ATXN7L2: variants seen among roughly 807,000 people sequenced by gnomAD.
ATXN7L2 encodes the protein ataxin 7 like 2.
In ATXN7L2, 17 loss-of-function variants were observed where a neutral mutation model predicts 59.6. The observed-to-expected ratio is 0.29, with a 90% CI of 0.20 to 0.43. The LOEUF (loss-of-function observed/expected upper bound fraction) is 0.43, where lower values mean the gene tolerates loss of function less well. ATXN7L2 is among the 20% of genes least tolerant of loss of function. The probability of loss-of-function intolerance (pLI) is 1.00; values close to 1 mark genes in which losing one functional copy is unlikely to be tolerated. For synonymous variants in ATXN7L2, 378 were observed against 392.5 expected, an observed-to-expected ratio of 0.96 and a Z score of 0.44; for missense variants, 858 against 1,008.9, an observed-to-expected ratio of 0.85 and a Z score of 2.03.
In ATXN7L2 at chr1:109,488,393, C is replaced by T. The variant is rs773402570; in HGVS notation, c.807C>T (p.Cys269=). The T allele has an allele frequency of 1.4e-5, 22 of 1,598,580 alleles. No individual in the cohort carries two copies. The highest frequency in any genetic ancestry group is 1.6e-4 in the Middle Eastern group (1 of 6,064). ...KTHRKMARKE[C]DLNRQCGVIN... ...GTGCTTTCCCCACAGGGAAGGAGTG[C>T]GACCTCAACAGGCAGTGTGGGGTAA... The change falls in exon 6 of 11, where the codon TGC becomes TGT. Residue 269 remains cysteine, a synonymous_variant. Transcript: ENST00000683729. This position sits in a 1 kb window ranked among gnomAD's most constrained non-coding sequence, Gnocchi z 5.0.
rs945293725 is a variant in ATXN7L2, at chr1:109,483,971, C to T, written c.18C>T (p.Arg6=). 3.0e-6 allele frequency: 4 copies of T among 1,340,988 alleles called. No individual in the cohort carries two copies. Among genetic ancestry groups the T allele is most frequent in the African/African-American group, 3.0e-5 (2 of 66,936 alleles). The allele number at this position is 1,340,988 out of a possible 1,614,324, so 83.1% of individuals were successfully genotyped here. The change falls in exon 1 of 11, where the codon CGC becomes CGT. Residue 6 remains arginine (R), a synonymous_variant. Coordinates refer to ENST00000683729, the MANE Select transcript of ATXN7L2 (RefSeq NM_001350175.2). MAVRE[R]AAAAMAALER... ...CGGCGGTGATGGCGGTGCGTGAACG[C>T]GCGGCGGCAGCAATGGCCGCTCTGG...
rs1402890648 is a variant in ATXN7L2, at chr1:109,486,657, G to A, written c.298+47G>A. ...AGATAAAGGGACAGGGGAAGGTGGA[G>A]CATGGAACTCTGAGGACAGGGTCAG... On this transcript the variant is annotated intron_variant, in intron 3 of 10. Transcript: ENST00000683729. The surrounding 1 kb of genome is among the most constrained non-coding windows in gnomAD (Gnocchi z 4.3). 4 of 1,509,896 alleles carry A rather than the reference G, an allele frequency of 2.6e-6. No individual in the cohort carries two copies. The Admixed American group carries it at 6.8e-5, about 26-fold the overall frequency. The allele number at this position is 1,509,896 out of a possible 1,614,324, so 93.5% of individuals were successfully genotyped here. A position where few individuals can be genotyped will look rare whatever the true frequency, so the allele number is the denominator to read the frequency against.
At chr1:109,489,435 C>T (rs1656853448) in intron 7 of ATXN7L2, 1 of 386,304 alleles carries the variant, frequency 2.6e-6, no homozygotes, top group Non-Finnish European at 4.7e-6. Flanking sequence ...TGTATTCACT[C>T]ACTGGCCCCT....
Position 109,486,891 on chromosome 1 carries a change from C to T in ATXN7L2, c.299-116C>T, listed in dbSNP as rs1169417078. The T allele has an allele frequency of 4.6e-5, 47 of 1,024,868 alleles. No individual in the cohort carries two copies. Among genetic ancestry groups the T allele is most frequent in the Non-Finnish European group, 5.7e-5 (41 of 719,944 alleles). 63.5% of individuals were successfully genotyped at this position (1,024,868 alleles called of 1,614,324 possible). A position where few individuals can be genotyped will look rare whatever the true frequency, so the allele number is the denominator to read the frequency against. ...TTCAAATGGGAAGGAGGCATGTTTA[C>T]AATCTAATTTATGGAAACTCAGATT... On this transcript the variant is annotated intron_variant, in intron 3 of 10. Transcript: ENST00000683729. This position sits in a 1 kb window ranked among gnomAD's most constrained non-coding sequence, Gnocchi z 4.3.
chr1:109,490,151 T>C, intron 8 of ATXN7L2, 23 bp downstream of exon 8: 1 of 1,564,102 alleles, frequency 6.4e-7, no homozygotes, highest in Non-Finnish European at 8.7e-7. Flanking sequence ...AATAGGGGCC[T>C]ATGGAGGGGG....
chr1:109,487,387 C>T lies in ATXN7L2; in HGVS notation c.510-131C>T, dbSNP rs561455373. 151 of 1,192,416 alleles carry T rather than the reference C, an allele frequency of 1.3e-4. No individual in the cohort carries two copies. In the South Asian group the frequency reaches 1.4e-3, roughly 11 times the overall value. 73.9% of individuals were successfully genotyped at this position (1,192,416 alleles called of 1,614,324 possible). On this transcript the variant is annotated intron_variant, in intron 4 of 10. Transcript: ENST00000683729. ...CAGGGAAGATGGGGTCTCCTCTTCC[C>T]GTGTTTCACACCCCTGCTGGAGCCC...
rs1446463484 is a variant in ATXN7L2 at position 109,491,501 on chromosome 1, G to C, written c.2034G>C (p.Glu678Asp). The C allele has an allele frequency of 1.9e-6, 3 of 1,613,984 alleles. No homozygotes were observed. In the South Asian group the frequency reaches 3.3e-5, roughly 18 times the overall value. The change falls in exon 10 of 11, where the codon GAG becomes GAC. Residue 678 changes from glutamate to aspartate, a missense_variant. By Grantham distance (45) the Glu-to-Asp change is conservative. This residue lies in a region of ATXN7L2 where 734 missense variants were observed against 862.3 expected (regional missense o/e 0.85). Transcript: ENST00000683729. This position sits in a 1 kb window ranked among gnomAD's most constrained non-coding sequence, Gnocchi z 4.1. ...LPTPVKASQL[E>D]NRGAAGHPAK... The stretch of plus-strand genomic sequence containing the variant: ...CACCAGTCAAGGCTTCTCAGCTGGA[G>C]AACCGGGGAGCAGCTGGACACCCAG...
Position 109,486,033 on chromosome 1 carries a change from T to C in ATXN7L2, c.128-24T>C. Reference sequence around the variant, plus strand: ...GACTCTCTAAAACTGGCCCTGACCCTTCTGAGCTGTGTTTCTCCTCTAGGG... The same window carrying C: ...GACTCTCTAAAACTGGCCCTGACCCCTCTGAGCTGTGTTTCTCCTCTAGGG... On this transcript the variant is annotated intron_variant, in intron 1 of 10. Coordinates refer to ENST00000683729, the MANE Select transcript of ATXN7L2 (RefSeq NM_001350175.2). The surrounding 1 kb of genome is among the most constrained non-coding windows in gnomAD (Gnocchi z 4.3). 2 of 1,556,204 alleles carry C rather than the reference T, an allele frequency of 1.3e-6. No individual in the cohort carries two copies. Among genetic ancestry groups the C allele is most frequent in the South Asian group, 1.2e-5 (1 of 80,666 alleles).
At chr1:109,492,487 A>C (rs1657174703) in intron 10 of ATXN7L2, 99 bp from the exon 11 acceptor site, 2 of 1,499,052 alleles carry the variant, frequency 1.3e-6, no homozygotes, top group Non-Finnish European at 9.1e-7. Context: ...CAGCAGAAGG[A>C]AATCAAGCTT....
chr1:109,489,798 C>G, intron 7 of ATXN7L2, 132 bp from the exon 8 acceptor site: 2 of 880,870 alleles, frequency 2.3e-6, no homozygotes, highest in Non-Finnish European at 3.6e-6. Context: ...TCCCTTCCCT[C>G]TGTCCTCTTC....
Position 109,486,460 on chromosome 1 carries a change from A to C in ATXN7L2, c.194-46A>C. ...GAGTGCTCTCCGATCTTCCAGAGAA[A>C]CCCTGGGATCTTCAGCCCCAGTGAC... On this transcript the variant is annotated intron_variant, in intron 2 of 10. Coordinates refer to ENST00000683729, the MANE Select transcript of ATXN7L2 (RefSeq NM_001350175.2). This position sits in a 1 kb window ranked among gnomAD's most constrained non-coding sequence, Gnocchi z 4.3. 2 of 1,520,290 alleles carry C rather than the reference A, an allele frequency of 1.3e-6. No homozygotes were observed. 94.2% of individuals were successfully genotyped at this position (1,520,290 alleles called of 1,614,324 possible).
At position 109,491,979 on chromosome 1, in the gene ATXN7L2, T is replaced by C. The variant is rs1257040179; in HGVS notation, c.2250+262T>C. 2 of 1,260,926 alleles carry C rather than the reference T, an allele frequency of 1.6e-6. No individual in the cohort carries two copies. Among genetic ancestry groups the C allele is most frequent in the Admixed American group, 3.7e-5 (1 of 27,322 alleles). The allele number at this position is 1,260,926 out of a possible 1,614,324, so 78.1% of individuals were successfully genotyped here. A position where few individuals can be genotyped will look rare whatever the true frequency, so the allele number is the denominator to read the frequency against. ...CACCCCTCCACCCCTGCTTTTGCTA[T>C]AATCAAAGGGCTACTTCTTTCTGAA... is the stretch of plus-strand genomic sequence containing the variant. On this transcript the variant is annotated intron_variant, in intron 10 of 10. Transcript: ENST00000683729. The surrounding 1 kb of genome is among the most constrained non-coding windows in gnomAD (Gnocchi z 4.1).
chr1:109,490,888 T>G, intron 9 of ATXN7L2, 34 bp from the exon 10 acceptor site: 1 of 1,528,018 alleles, frequency 6.5e-7, no homozygotes, highest in Non-Finnish European at 8.8e-7. Context: ...TCTTGTTTCT[T>G]GGCAGTCACA....
At chr1:109,485,887 G>C in intron 1 of ATXN7L2, 170 bp from the exon 2 acceptor site, 3 of 1,259,634 alleles carry the variant, frequency 2.4e-6, no homozygotes, top group Admixed American at 8.0e-5. Flanking sequence ...AGCACCAGGA[G>C]CTTGTCACGG....
intron 1 of ATXN7L2, among the ~76,000 whole-genome samples, chr1:109,484,862 G>A (rs1323250362): frequency 1.3e-5 from 2 of 152,170 alleles, no homozygotes; most frequent in Non-Finnish European, 2.9e-5. Flanking sequence ...AGACTGCACG[G>A]AGGGGTCTCT....
At position 109,487,685 on chromosome 1, in the gene ATXN7L2, G is replaced by T; in HGVS notation, c.677G>T (p.Gly226Val). The T allele has an allele frequency of 6.2e-7, 1 of 1,613,382 alleles. No homozygotes were observed. Among genetic ancestry groups the T allele is most frequent in the Non-Finnish European group, 8.5e-7 (1 of 1,179,700 alleles). Residue 226 changes from glycine (G) to valine (V), a missense_variant, in exon 5 of 11, where the codon GGC (glycine) becomes GTC (valine). Gly to Val is a moderately radical substitution (Grantham distance 109). Transcript: ENST00000683729. ...GCTCCCCCTTCTAAAGAACCTCCTG[G>T]CAGAGAGAACATCGAGATCATCCCC... ...PMAPPSKEPP[G>V]RENIEIIPSE... is the part of the protein sequence containing the mutation.
chr1:109,488,932 G>T lies in ATXN7L2; in HGVS notation c.965G>T (p.Arg322Leu), dbSNP rs771719017. Reference protein sequence around the residue: ...VLVAELKANSRKGESPKEKSP... With the variant: ...VLVAELKANSLKGESPKEKSP... ...GTGGCAGAGCTGAAGGCCAACTCCC[G>T]CAAAGGGGAGTCTCCCAAGGAGAAG... Residue 322 changes from arginine to leucine, a missense_variant, in exon 7 of 11, where the codon CGC becomes CTC. Around this residue, in one of 3 missense-constraint regions of ATXN7L2, gnomAD observed 734 missense variants for 862.3 expected, o/e 0.85. Coordinates refer to ENST00000683729, the MANE Select transcript of ATXN7L2 (RefSeq NM_001350175.2). This position sits in a 1 kb window ranked among gnomAD's most constrained non-coding sequence, Gnocchi z 5.0. The T allele has an allele frequency of 3.7e-6, 6 of 1,613,994 alleles. No individual in the cohort carries two copies. The highest frequency in any genetic ancestry group is 5.1e-6 in the Non-Finnish European group (6 of 1,180,024).
rs1424510631 is a variant in ATXN7L2, at chr1:109,487,704, C to T, written c.696C>T (p.Ile232=). 2 of 1,613,652 alleles carry T rather than the reference C, an allele frequency of 1.2e-6. No homozygotes were observed. The highest frequency in any genetic ancestry group is 1.7e-6 in the Non-Finnish European group (2 of 1,179,808). ...KEPPGRENIE[I]IPSEGSSHWA... ...CTCCTGGCAGAGAGAACATCGAGAT[C>T]ATCCCCAGTGAGGGGTCCAGTCACT... The change falls in exon 5 of 11, where the codon ATC becomes ATT. Residue 232 remains isoleucine (I), a synonymous_variant. Transcript: ENST00000683729.
Position 109,487,639 on chromosome 1 carries a change from T to G in ATXN7L2, c.631T>G (p.Ser211Ala). The part of the protein sequence containing the change: ...LSQPGGLTKD[S>A]PGKPPMAPPS... ...CCAGCCAGGGGGCCTCACCAAGGAC[T>G]CCCCTGGAAAACCTCCCATGGCTCC... is the stretch of plus-strand genomic sequence containing the variant. Residue 211 changes from serine to alanine, a missense_variant, in exon 5 of 11, where the codon TCC becomes GCC. By Grantham distance (99) the Ser-to-Ala change is moderately conservative. Transcript: ENST00000683729. 1 of 1,607,250 alleles carries G rather than the reference T, an allele frequency of 6.2e-7. No individual in the cohort carries two copies. Among genetic ancestry groups the G allele is most frequent in the Non-Finnish European group, 8.5e-7 (1 of 1,176,970 alleles).
Sources: gnomAD v4.1 joint callset for allele counts (sites outside exome capture counted in the v4.1 genomes callset) on GRCh38, gnomAD v4.1.1 for gene constraint, gnomAD v4.1.1 regional missense constraint, Gnocchi (gnomAD v3.1) non-coding constraint, MANE v1.5 for transcripts, NCBI Gene and HGNC (gene_info 2026-07-23, HGNC 2026-07-21) for gene names.